The following TSPAN2 variants were observed in gnomAD, a reference collection of about 807,000 sequenced individuals.
TSPAN2 encodes the protein tetraspanin 2, also known as tetraspanin-2.
Under a neutral mutation model 33.3 loss-of-function variants are expected in TSPAN2, and 24 were observed. The observed-to-expected ratio is 0.72, with a 90% CI of 0.52 to 1.01. The LOEUF (loss-of-function observed/expected upper bound fraction) is 1.01, where lower values mean the gene tolerates loss of function less well. TSPAN2 is among the 50% of genes least tolerant of loss of function. The pLI is 0.00. For missense variants in TSPAN2, 278 were observed against 281.3 expected, an observed-to-expected ratio of 0.99 and a Z score of 0.08; for synonymous variants, 114 against 104.5, an observed-to-expected ratio of 1.09 and a Z score of -0.56.
rs753573127 is a variant in TSPAN2 at position 115,072,968 on chromosome 1, G to A, written c.109C>T (p.Arg37Trp). 14 of 1,613,918 alleles carry A rather than the reference G, an allele frequency of 8.7e-6. No homozygotes were observed. Among genetic ancestry groups the A allele is most frequent in the African/African-American group, 2.7e-5 (2 of 74,906 alleles). The change falls in exon 2 of 8, where the codon CGG (arginine) becomes TGG (tryptophan). Residue 37 changes from arginine to tryptophan, a missense_variant. Transcript: ENST00000369516. The stretch of plus-strand genomic sequence containing the variant: ...AACTCCTTTATGGCACCTCCGAACC[G>A]AAACCATAGTCCAAAAGCAATGACG... Reference protein sequence around the residue: ...SAVIAFGLWFRFGGAIKELSS... With the variant: ...SAVIAFGLWFWFGGAIKELSS...
rs749457393 is a variant in TSPAN2, at chr1:115,072,951, T to C, written c.126A>G (p.Ile42Met). Residue 42 changes from isoleucine to methionine, a missense_variant, in exon 2 of 8, where the codon ATA (isoleucine) becomes ATG (methionine). Physicochemically the swap from Ile to Met is conservative, Grantham distance 10. Coordinates refer to ENST00000369516, the MANE Select transcript of TSPAN2 (RefSeq NM_005725.6). The stretch of plus-strand genomic sequence containing the variant: ...ACTTGTCCTCTGATGATAACTCCTT[T>C]ATGGCACCTCCGAACCGAAACCATA... ...FGLWFRFGGAIKELSSEDKSP... is the reference protein window; with the variant it reads ...FGLWFRFGGAMKELSSEDKSP... 5.6e-6 allele frequency: 9 copies of C among 1,614,082 alleles called. No homozygotes were observed. The Admixed American group carries it at 1.5e-4, about 27-fold the overall frequency.
chr1:115,060,667 G>T, intron 3 of TSPAN2, 129 bp from the exon 4 acceptor site: 1 of 716,338 alleles, frequency 1.4e-6, no homozygotes. Context: ...CATTCATTCA[G>T]CAATTGTTTA....
chr1:115,059,499 G>A (rs886301383), intron 4 of TSPAN2, among the ~76,000 whole-genome samples: 13 of 152,176 alleles, frequency 8.5e-5, no homozygotes, highest in African/African-American at 1.2e-4. Flanking sequence ...CAGATGATTT[G>A]GATGCATAGC....
Position 115,072,921 on chromosome 1 carries a change from T to C in TSPAN2, c.156A>G (p.Pro52=). The C allele has an allele frequency of 6.2e-7, 1 of 1,613,918 alleles. No homozygotes were observed. The highest frequency in any genetic ancestry group is 8.5e-7 in the Non-Finnish European group (1 of 1,179,850). Residue 52 remains proline (P), a synonymous_variant, in exon 2 of 8, where the codon CCA becomes CCG. Transcript: ENST00000369516. The part of the protein sequence containing the change: ...IKELSSEDKS[P]EYFYVGLYVL... ...GTCACTCACCCACATAGAAATACTCTGGGGACTTGTCCTCTGATGATAACT... is the reference window on the plus strand; with the variant it reads ...GTCACTCACCCACATAGAAATACTCCGGGGACTTGTCCTCTGATGATAACT...
chr1:115,058,388 T>C (rs1570967745), intron 5 of TSPAN2: 1 of 201,408 alleles, frequency 5.0e-6, no homozygotes, highest in Non-Finnish European at 9.9e-6. Context: ...CACTGAATGT[T>C]CCAGAAGGGA....
At chr1:115,080,768 GA>G (rs1447298536) in intron 1 of TSPAN2, among the ~76,000 whole-genome samples, 1 of 151,968 alleles carries the variant, frequency 6.6e-6, no homozygotes, top group Non-Finnish European at 1.5e-5. Flanking sequence ...GCCCGGAGAG[GA>G]AAAAAATGGT....
At chr1:115,062,087 G>A (rs772641419) in intron 3 of TSPAN2, 48 bp downstream of exon 3, 1 of 1,447,194 alleles carries the variant, frequency 6.9e-7, no homozygotes, top group African/African-American at 1.4e-5. Flanking sequence ...TCAGATGCAG[G>A]CCGCTCCCTC....
intron 3 of TSPAN2, among the ~76,000 whole-genome samples, chr1:115,061,478 T>G (rs1647716911): frequency 6.6e-6 from 1 of 152,222 alleles, no homozygotes; most frequent in Admixed American, 6.5e-5. Flanking sequence ...ATGTTTTCCT[T>G]GTAGATAACA....
chr1:115,073,026 T>C lies in TSPAN2; in HGVS notation c.70-19A>G. Reference sequence around the variant, plus strand: ...CAGCCAGCTGGAAGGCAAACGACACTGTGTTTACAGTGGAAGGGGAAAGAG... The same window carrying C: ...CAGCCAGCTGGAAGGCAAACGACACCGTGTTTACAGTGGAAGGGGAAAGAG... On this transcript the variant is annotated intron_variant, in intron 1 of 7. Transcript: ENST00000369516. The C allele has an allele frequency of 1.9e-6, 3 of 1,605,640 alleles. No homozygotes were observed. Among genetic ancestry groups the C allele is most frequent in the East Asian group, 2.2e-5 (1 of 44,830 alleles).
intron 7 of TSPAN2, among the ~76,000 whole-genome samples, chr1:115,051,192 C>T (rs1675305829): frequency 1.3e-5 from 2 of 152,114 alleles, no homozygotes; most frequent in Non-Finnish European, 1.5e-5. Flanking sequence ...TCCCTGCAGT[C>T]CCAGGTGCTT....
At chr1:115,081,392 G>A (rs1401983235) in intron 1 of TSPAN2, among the ~76,000 whole-genome samples, 2 of 152,176 alleles carry the variant, frequency 1.3e-5, no homozygotes, top group Admixed American at 6.5e-5. Context: ...TCACCATTAC[G>A]ATGTGGAGGA....
chr1:115,064,877 G>C (rs1468986219), intron 2 of TSPAN2, among the ~76,000 whole-genome samples: 2 of 152,226 alleles, frequency 1.3e-5, no homozygotes, highest in Non-Finnish European at 2.9e-5. Flanking sequence ...CTGGACAGGG[G>C]CACAGAGGTT....
chr1:115,079,137 CCACACACA>C (rs202132434), intron 1 of TSPAN2, among the ~76,000 whole-genome samples: 26,863 of 146,728 alleles, frequency 0.18, 2,773 homozygotes, highest in East Asian at 0.37. Flanking sequence ...AATTATAGCG[CCACACACA>C]CACACACACA....
Position 115,073,641 on chromosome 1 carries a change from T to C in TSPAN2, c.70-634A>G, listed in dbSNP as rs1244966519. Among the ~76,000 whole-genome samples the C allele has an allele frequency of 3.3e-5, 5 of 151,870 alleles. No homozygotes were observed. In the East Asian group the frequency reaches 9.7e-4, roughly 29 times the overall value. On this transcript the variant is annotated intron_variant, in intron 1 of 7. Coordinates refer to ENST00000369516, the MANE Select transcript of TSPAN2 (RefSeq NM_005725.6). ...GGGGATGGTTTTGCTGGTAGGGAGA[T>C]AGCCTAGTCTTTTTTTTTTTTGGTT...
rs776668126 is a variant in TSPAN2, at chr1:115,053,453, C to T, written c.526G>A (p.Asp176Asn). The change falls in exon 7 of 8, where the codon GAT becomes AAT. Residue 176 changes from aspartate (D) to asparagine (N), a missense_variant. Transcript: ENST00000369516. The stretch of plus-strand genomic sequence containing the variant: ...ACACTGATTATGGTCTCAATTTCAT[C>T]GATGCAATTCTGTTTTGAGGAAAAA... ...KELLGHKNCI[D>N]EIETIISVKL... The T allele has an allele frequency of 6.8e-6, 11 of 1,613,708 alleles. No homozygotes were observed. Among genetic ancestry groups the T allele is most frequent in the Non-Finnish European group, 8.5e-6 (10 of 1,179,770 alleles).
At chr1:115,062,050 G>C (rs927753416) in intron 3 of TSPAN2, 85 bp downstream of exon 3, 25 of 1,200,366 alleles carry the variant, frequency 2.1e-5, no homozygotes, top group Non-Finnish European at 2.7e-5. Flanking sequence ...AGGAGCTGGA[G>C]CCAGGGGCCA....
chr1:115,085,450 C>T (rs1474393464), intron 1 of TSPAN2, among the ~76,000 whole-genome samples: 1 of 152,148 alleles, frequency 6.6e-6, no homozygotes, highest in Non-Finnish European at 1.5e-5. Flanking sequence ...AATCGCAGAT[C>T]ACCAAACAGA....
At position 115,075,266 on chromosome 1, in the gene TSPAN2, T is replaced by C. The variant is rs115133758; in HGVS notation, c.70-2259A>G. Among the ~76,000 whole-genome samples, 991 of 152,290 alleles carry C rather than the reference T, an allele frequency of 6.5e-3. 15 individuals are homozygous for C. Among genetic ancestry groups the C allele is most frequent in the African/African-American group, 0.022 (929 of 41,552 alleles). ...ATGGGAAAAAATCTGCGCTTGCTCA[T>C]CCATGCCCCTAACCCCCAACCACAC... On this transcript the variant is annotated intron_variant, in intron 1 of 7. Transcript: ENST00000369516.
intron 1 of TSPAN2, among the ~76,000 whole-genome samples, chr1:115,088,274 A>C (rs951020037): frequency 6.6e-6 from 1 of 152,160 alleles, no homozygotes; most frequent in Non-Finnish European, 1.5e-5. Context: ...AATTAGTTGC[A>C]ATCATGGGAA....
Sources: allele counts gnomAD v4.1 joint callset (sites outside exome capture counted in the v4.1 genomes callset), GRCh38; gene constraint gnomAD v4.1.1; transcripts MANE v1.5; gene names NCBI Gene and HGNC (gene_info 2026-07-23, HGNC 2026-07-21).